Variants in GRID2 observed in about 807,000 individuals in gnomAD.
GRID2 encodes glutamate ionotropic receptor delta type subunit 2, also known as glutamate receptor ionotropic, delta-2.
GRID2 carries 33 observed loss-of-function variants against 114.8 expected under a neutral mutation model. The observed-to-expected ratio is 0.29, with a 90% confidence interval of 0.22 to 0.38. The LOEUF is 0.38. Among genes scored for constraint, GRID2 ranks in the 10% least tolerant of loss-of-function variants. GRID2 has a pLI of 1.00. For missense variants in GRID2, 1,184 were observed against 1,257.7 expected, an observed-to-expected ratio of 0.94 and a Z score of 0.89; for synonymous variants, 505 against 449.9, an observed-to-expected ratio of 1.12 and a Z score of -1.55.
chr4:92,753,046 C>T (rs1737529421), intron 2 of GRID2, among the ~76,000 whole-genome samples: 1 of 152,104 alleles, frequency 6.6e-6, no homozygotes, highest in Admixed American at 6.5e-5. Flanking sequence ...ATTCATAGCA[C>T]TCAGATTTCT....
At chr4:93,121,110 T>A (rs946650934) in intron 4 of GRID2, among the ~76,000 whole-genome samples, 3 of 152,012 alleles carry the variant, frequency 2.0e-5, no homozygotes, top group African/African-American at 7.2e-5. Flanking sequence ...ATAAAAAGGG[T>A]GCCCTGAGTA....
intron 14 of GRID2, among the ~76,000 whole-genome samples, chr4:93,745,046 CTG>C (rs2110265414): frequency 6.6e-6 from 1 of 152,198 alleles, no homozygotes; most frequent in Non-Finnish European, 1.5e-5. Context: ...TTTTAATAGA[CTG>C]TGGTATAGTG....
At chr4:92,949,651 G>A (rs527319333) in intron 2 of GRID2, among the ~76,000 whole-genome samples, 28 of 151,304 alleles carry the variant, frequency 1.9e-4, no homozygotes, top group African/African-American at 6.8e-4. Flanking sequence ...GGTAGAATTT[G>A]GTAGGCTTTC....
chr4:92,811,769 G>A (rs1011560904), intron 2 of GRID2, among the ~76,000 whole-genome samples: 1 of 152,018 alleles, frequency 6.6e-6, no homozygotes, highest in African/African-American at 2.4e-5. Context: ...ATATGAAAAT[G>A]GGAGACATAT....
chr4:93,469,823 T>C (rs541953169), intron 11 of GRID2, among the ~76,000 whole-genome samples: 2 of 152,154 alleles, frequency 1.3e-5, no homozygotes, highest in Non-Finnish European at 2.9e-5. Context: ...TCAGATCTTC[T>C]GTTGACACAG....
At chr4:92,727,512 C>T (rs1336142429) in intron 2 of GRID2, among the ~76,000 whole-genome samples, 1 of 151,934 alleles carries the variant, frequency 6.6e-6, no homozygotes, top group Non-Finnish European at 1.5e-5. Context: ...TGCTGATATC[C>T]TTTGGGTTGG....
intron 2 of GRID2, among the ~76,000 whole-genome samples, chr4:93,011,676 C>T (rs1317465964): frequency 1.3e-5 from 2 of 152,104 alleles, no homozygotes; most frequent in Non-Finnish European, 2.9e-5. Context: ...ATTTAAGTTT[C>T]TCAGGCATCA....
In GRID2 at chr4:92,919,454, T is replaced by G. The variant is rs993600177; in HGVS notation, c.245-165541T>G. Among the ~76,000 whole-genome samples, 3 of 152,226 alleles carry G rather than the reference T, an allele frequency of 2.0e-5. No homozygotes were observed. In the East Asian group the frequency reaches 5.8e-4, roughly 29 times the overall value. Reference sequence around the variant, plus strand: ...TTTAATTGTGATGTTAGGGTGTCAATTTTAGATCTTTCCTGCTTTCTCTAG... The same window carrying G: ...TTTAATTGTGATGTTAGGGTGTCAAGTTTAGATCTTTCCTGCTTTCTCTAG... On this transcript the variant is annotated intron_variant, in intron 2 of 15. Transcript: ENST00000282020.
chr4:93,093,497 T>C (rs891647462), intron 3 of GRID2, among the ~76,000 whole-genome samples: 8 of 151,880 alleles, frequency 5.3e-5, no homozygotes, highest in Non-Finnish European at 8.8e-5. Context: ...ATAAGGAAAA[T>C]CTCCTTGAAT....
In GRID2 at chr4:92,439,777, A is replaced by G. The variant is rs920083581; in HGVS notation, c.88+135033A>G. Among the ~76,000 whole-genome samples, 8 of 146,168 alleles carry G rather than the reference A, an allele frequency of 5.5e-5. 1 individual carries two copies. Among genetic ancestry groups the G allele is most frequent in the Admixed American group, 1.4e-4 (2 of 14,674 alleles). ...GATGAGAGAGTGCCTAAGGAGATTC[A>G]GCATAGTCCTGCCAGCAAAGATTAT... On this transcript the variant is annotated intron_variant, in intron 1 of 15. Transcript: ENST00000282020.
chr4:93,694,173 G>A (rs1036517637), intron 14 of GRID2, among the ~76,000 whole-genome samples: 1 of 152,034 alleles, frequency 6.6e-6, no homozygotes, highest in African/African-American at 2.4e-5. Flanking sequence ...TTCATATTCA[G>A]CCCATTGTCC....
chr4:92,607,515 C>T (rs1729515520), intron 2 of GRID2, among the ~76,000 whole-genome samples: 1 of 151,762 alleles, frequency 6.6e-6, no homozygotes, highest in Non-Finnish European at 1.5e-5. Context: ...TTTTCATAGC[C>T]AAGATTTTCT....
intron 2 of GRID2, among the ~76,000 whole-genome samples, chr4:93,021,425 A>G (rs1207838183): frequency 6.7e-6 from 1 of 149,992 alleles, no homozygotes; most frequent in East Asian, 1.9e-4. Flanking sequence ...TTTCTATTAT[A>G]AAAATGATAG....
At chr4:93,775,564 T>C (rs1560999596), downstream of GRID2, among the ~76,000 whole-genome samples, 1 of 152,192 alleles carries the variant, frequency 6.6e-6, no homozygotes, top group African/African-American at 2.4e-5. Flanking sequence ...TCGGTTCCTG[T>C]TTCTGTCTAC....
chr4:93,764,605 A>G (rs544830842), intron 14 of GRID2, among the ~76,000 whole-genome samples: 7 of 152,278 alleles, frequency 4.6e-5, no homozygotes, highest in Admixed American at 2.6e-4. Flanking sequence ...CCTCAAAAGT[A>G]AGTGTTGTTA....
At chr4:92,959,205 T>C (rs1752629968) in intron 2 of GRID2, among the ~76,000 whole-genome samples, 1 of 151,756 alleles carries the variant, frequency 6.6e-6, no homozygotes, top group Admixed American at 6.6e-5. Context: ...ACTCTGGTTT[T>C]TAGTACTACT....
At chr4:93,048,669 A>G (rs1407555114) in intron 2 of GRID2, among the ~76,000 whole-genome samples, 1 of 152,128 alleles carries the variant, frequency 6.6e-6, no homozygotes, top group Non-Finnish European at 1.5e-5. Context: ...CTGGATAGGT[A>G]CATAGGATAA....
At chr4:93,183,203 A>T (rs1315949968) in intron 4 of GRID2, among the ~76,000 whole-genome samples, 1 of 151,276 alleles carries the variant, frequency 6.6e-6, no homozygotes, top group Non-Finnish European at 1.5e-5. Flanking sequence ...TTTACTAATT[A>T]AAAAAAAATG....
At chr4:92,521,951 G>T (rs1044707442) in intron 1 of GRID2, among the ~76,000 whole-genome samples, 1 of 151,932 alleles carries the variant, frequency 6.6e-6, no homozygotes, top group East Asian at 1.9e-4. Flanking sequence ...CTAAGTGCTT[G>T]GGAAATAGTA....
Sources: allele counts gnomAD v4.1 joint callset (sites outside exome capture counted in the v4.1 genomes callset), GRCh38; gene constraint gnomAD v4.1.1; transcripts MANE v1.5; gene names NCBI Gene and HGNC (gene_info 2026-07-23, HGNC 2026-07-21).